The following ANKS1B variants were observed in gnomAD, a reference collection of about 807,000 sequenced individuals.
The protein encoded by ANKS1B is ankyrin repeat and sterile alpha motif domain containing 1B.
A neutral mutation model predicts 148.3 loss-of-function variants in ANKS1B; 36 were observed. The observed-to-expected ratio is 0.24, with a 90% CI of 0.19 to 0.32. The LOEUF (loss-of-function observed/expected upper bound fraction) is 0.32, where lower values mean the gene tolerates loss of function less well. ANKS1B is among the 10% of genes least tolerant of loss of function. The pLI is 1.00. For missense variants in ANKS1B, 1,157 were observed against 1,542.6 expected (o/e 0.75, Z 4.19); for synonymous variants, 542 against 560.8 (o/e 0.97, Z 0.47).
intron 17 of ANKS1B, among the ~76,000 whole-genome samples, chr12:98,864,566 G>T (rs1190359905): frequency 6.6e-6 from 1 of 152,184 alleles, no homozygotes; most frequent in African/African-American, 2.4e-5. Flanking sequence ...TAGAACAAAG[G>T]ACTGACCTCC....
At chr12:99,158,708 G>T (rs2076335277) in intron 14 of ANKS1B, among the ~76,000 whole-genome samples, 1 of 41,348 alleles carries the variant, frequency 2.4e-5, no homozygotes, top group South Asian at 1.0e-3. Flanking sequence ...CTAAAACTTG[G>T]TAAAAACAGA....
At position 99,052,937 on chromosome 12, in the gene ANKS1B, G is replaced by A. The variant is rs186929275; in HGVS notation, c.2778+220C>T. Among the ~76,000 whole-genome samples the A allele has an allele frequency of 1.6e-4, 24 of 151,964 alleles. No homozygotes were observed. The East Asian group carries it at 3.9e-3, about 25-fold the overall frequency. ...CAAAAATGCTTGGAAGATTTTCTTG[G>A]ATAATGCAAAATACCCTGGGAGTTC... On this transcript the variant is annotated intron_variant, in intron 17 of 26. Transcript: ENST00000683438.
intron 9 of ANKS1B, among the ~76,000 whole-genome samples, chr12:99,615,736 A>G (rs906592808): frequency 2.0e-5 from 3 of 152,152 alleles, no homozygotes; most frequent in African/African-American, 7.2e-5. Flanking sequence ...CCAGCATAAG[A>G]TAAGGATTCC....
At chr12:99,104,678 G>T (rs1039014530) in intron 15 of ANKS1B, 1 of 152,216 alleles carries the variant, frequency 6.6e-6, no homozygotes, top group African/African-American at 2.4e-5. Context: ...CCTGAAGGTT[G>T]TACATCCTCT....
chr12:98,988,261 C>T (rs2099924582), intron 17 of ANKS1B, among the ~76,000 whole-genome samples: 1 of 152,186 alleles, frequency 6.6e-6, no homozygotes, highest in South Asian at 2.1e-4. Flanking sequence ...CCAATTCCCT[C>T]CTTGCAATCA....
At chr12:98,922,469 A>G (rs1246228846) in intron 17 of ANKS1B, among the ~76,000 whole-genome samples, 1 of 152,180 alleles carries the variant, frequency 6.6e-6, no homozygotes, top group Non-Finnish European at 1.5e-5. Flanking sequence ...AATTAAGTTA[A>G]TGTAACTGTT....
At chr12:99,327,151 A>G (rs1369377707) in intron 12 of ANKS1B, among the ~76,000 whole-genome samples, 2 of 120,068 alleles carry the variant, frequency 1.7e-5, no homozygotes, top group African/African-American at 3.3e-5. Context: ...ACAATAATAT[A>G]TAATATATAA....
intron 4 of ANKS1B, among the ~76,000 whole-genome samples, chr12:99,803,554 A>T (rs183630485): frequency 2.0e-5 from 3 of 152,122 alleles, no homozygotes; most frequent in Non-Finnish European, 4.4e-5. Flanking sequence ...ATCTAAGCAT[A>T]TTGTCTGCCT....
At chr12:99,348,147 AG>A (rs2090973842) in intron 12 of ANKS1B, among the ~76,000 whole-genome samples, 1 of 152,008 alleles carries the variant, frequency 6.6e-6, no homozygotes, top group African/African-American at 2.4e-5. Context: ...TCCATTCTAA[AG>A]AACAGAAACA....
chr12:99,343,927 G>C (rs983703405), intron 12 of ANKS1B: 5 of 151,982 alleles, frequency 3.3e-5, no homozygotes, highest in African/African-American at 1.2e-4. Flanking sequence ...GAAATTTCCT[G>C]GAGCATATAG....
intron 4 of ANKS1B, among the ~76,000 whole-genome samples, chr12:99,797,913 T>G (rs1368519524): frequency 1.3e-5 from 2 of 151,984 alleles, no homozygotes; most frequent in African/African-American, 4.8e-5. Flanking sequence ...CTTCCCTTCT[T>G]TTTGGCGTTA....
chr12:99,296,390 T>C (rs962303850), intron 12 of ANKS1B, among the ~76,000 whole-genome samples: 3 of 152,202 alleles, frequency 2.0e-5, no homozygotes, highest in Non-Finnish European at 4.4e-5. Context: ...GCATCTTTTC[T>C]GGTCTTTTAA....
chr12:99,087,689 A>AG (rs1448001191), intron 15 of ANKS1B, among the ~76,000 whole-genome samples: 3 of 152,206 alleles, frequency 2.0e-5, no homozygotes, highest in Non-Finnish European at 2.9e-5. Flanking sequence ...TCTTTGTGCT[A>AG]GAACATTACC....
chr12:99,294,729 C>T (rs1421314316), intron 12 of ANKS1B, among the ~76,000 whole-genome samples: 3 of 152,036 alleles, frequency 2.0e-5, no homozygotes, highest in Non-Finnish European at 4.4e-5. Flanking sequence ...TCTTGGCTCA[C>T]CACAATCCCC....
intron 9 of ANKS1B, among the ~76,000 whole-genome samples, chr12:99,581,970 A>G (rs1483539964): frequency 4.6e-5 from 7 of 151,902 alleles, no homozygotes; most frequent in African/African-American, 1.4e-4. Flanking sequence ...TACATCTGAT[A>G]AAACACTTGT....
chr12:99,737,864 T>C (rs1371334630), intron 8 of ANKS1B, among the ~76,000 whole-genome samples: 1 of 152,084 alleles, frequency 6.6e-6, no homozygotes, highest in Non-Finnish European at 1.5e-5. Flanking sequence ...ATCAACCTCA[T>C]TGTGTCCAAT....
chr12:99,001,293 ATT>A (rs1038170105), intron 17 of ANKS1B, among the ~76,000 whole-genome samples: 2 of 151,818 alleles, frequency 1.3e-5, no homozygotes, highest in African/African-American at 4.8e-5. Flanking sequence ...TGCTCAGCTA[ATT>A]TTTGTTTATT....
intron 9 of ANKS1B, among the ~76,000 whole-genome samples, chr12:99,581,870 C>T (rs1030585102): frequency 1.3e-5 from 2 of 148,156 alleles, no homozygotes; most frequent in African/African-American, 5.0e-5. Flanking sequence ...CGCAGTCCAG[C>T]CTGGGCGACA....
rs542094621 is a variant in ANKS1B, at chr12:98,968,463, A to C, written c.2778+84694T>G. Among the ~76,000 whole-genome samples, 457 of 142,948 alleles carry C rather than the reference A, an allele frequency of 3.2e-3. 2 individuals carry two copies. The highest frequency in any genetic ancestry group is 0.013 in the African/African-American group (424 of 33,538). The allele number at this position is 142,948 out of a possible 152,430, so 93.8% of individuals were successfully genotyped here. ...TCTAGATAAGTCATACCAGACCAAA[A>C]AAACAAACAAACAAAAAAATTAGGA... On this transcript the variant is annotated intron_variant, in intron 17 of 26. Coordinates refer to ENST00000683438, the MANE Select transcript of ANKS1B (RefSeq NM_001352186.2).
Sources: gnomAD v4.1 joint callset for allele counts (sites outside exome capture counted in the v4.1 genomes callset) on GRCh38, gnomAD v4.1.1 for gene constraint, MANE v1.5 for transcripts, NCBI Gene and HGNC (gene_info 2026-07-23, HGNC 2026-07-21) for gene names.